Variants in MEST observed in about 807,000 individuals in gnomAD.
MEST encodes the protein mesoderm-specific transcript homolog protein.
In MEST, 18 loss-of-function variants were observed where a neutral mutation model predicts 50.9. The observed-to-expected ratio is 0.35, with a 90% CI of 0.24 to 0.52. The LOEUF is 0.52. Ranked by LOEUF, MEST falls within the 20% of genes least tolerant of loss-of-function variation. The probability of loss-of-function intolerance (pLI) is 0.94; values close to 1 mark genes in which losing one functional copy is unlikely to be tolerated. For synonymous variants in MEST, 130 were observed against 154.1 expected (o/e 0.84, Z 1.16); for missense variants, 282 against 425.3 (o/e 0.66, Z 2.96).
At position 130,497,937 on chromosome 7, in the gene MEST, T is replaced by C; in HGVS notation, c.263T>C (p.Ile88Thr). ...CAAATCATCGTTTCTTTCTTGTAGATTTGGGAAGGTCTGACCTTGAGGTTT... is the reference window on the plus strand; with the variant it reads ...CAAATCATCGTTTCTTTCTTGTAGACTTGGGAAGGTCTGACCTTGAGGTTT... ...FPTSSYDWYKIWEGLTLRFHR... is the reference protein window; with the variant it reads ...FPTSSYDWYKTWEGLTLRFHR... Residue 88 changes from isoleucine to threonine, a missense_variant and splice_region_variant, in exon 4 of 12, where the codon ATT (isoleucine) becomes ACT (threonine). By Grantham distance (89) the Ile-to-Thr change is moderately conservative. Transcript: ENST00000223215. The surrounding 1 kb of genome is among the most constrained non-coding windows in gnomAD (Gnocchi z 4.0). 6.2e-7 allele frequency: 1 copy of C among 1,614,072 alleles called. No individual in the cohort carries two copies.
At chr7:130,498,354 G>C in intron 5 of MEST, 65 bp from the exon 6 acceptor site, 2 of 1,610,424 alleles carry the variant, frequency 1.2e-6, no homozygotes, top group Middle Eastern at 3.3e-4. Context: ...TTTTTCTCTC[G>C]TTTTCAGCGG....
In MEST at chr7:130,492,207, T is replaced by A. The variant is rs544808095; in HGVS notation, c.-107T>A. ...GCGCGGCGCCGCCCTGCGCGGGCTG[T>A]GGGCTGCGGGCTGCGCCCCCGCTGC... On this transcript the variant is annotated 5_prime_UTR_variant, in exon 1 of 12. Coordinates refer to ENST00000223215, the MANE Select transcript of MEST (RefSeq NM_002402.4). The surrounding 1 kb of genome is among the most constrained non-coding windows in gnomAD (Gnocchi z 7.6). 2.9e-4 allele frequency: 289 copies of A among 990,500 alleles called. 3 individuals are homozygous for A. In the South Asian group the frequency reaches 0.012, roughly 41 times the overall value. The allele number at this position is 990,500 out of a possible 1,614,324, so 61.4% of individuals were successfully genotyped here. A position where few individuals can be genotyped will look rare whatever the true frequency, so the allele number is the denominator to read the frequency against.
Position 130,497,238 on chromosome 7 carries a change from A to G in MEST, c.261+3A>G, listed in dbSNP as rs782233412. The G allele has an allele frequency of 6.8e-6, 11 of 1,609,488 alleles. No individual in the cohort carries two copies. The Admixed American group carries it at 8.4e-5, about 12-fold the overall frequency. On this transcript the variant is annotated splice_donor_region_variant and intron_variant, in intron 3 of 11. Coordinates refer to ENST00000223215, the MANE Select transcript of MEST (RefSeq NM_002402.4). This position sits in a 1 kb window ranked among gnomAD's most constrained non-coding sequence, Gnocchi z 4.0. ...CATCCAGCTACGACTGGTACAAGGT[A>G]ATGAAGTCAGACTTCTACGTCCTAC...
In MEST at chr7:130,500,414, G is replaced by T. The variant is rs368809909; in HGVS notation, c.577-48G>T. On this transcript the variant is annotated intron_variant, in intron 7 of 11. Coordinates refer to ENST00000223215, the MANE Select transcript of MEST (RefSeq NM_002402.4). This position sits in a 1 kb window ranked among gnomAD's most constrained non-coding sequence, Gnocchi z 5.0. The stretch of plus-strand genomic sequence containing the variant: ...GTATAAAACCTTTTGCCCCGGTGAG[G>T]ATCTTCCTCTGGGTTCTTGAGCTTT... 119 of 1,543,426 alleles carry T rather than the reference G, an allele frequency of 7.7e-5. No individual in the cohort carries two copies. Among genetic ancestry groups the T allele is most frequent in the Middle Eastern group, 3.5e-4 (2 of 5,770 alleles).
At chr7:130,501,253 T>G (rs540744372) in intron 9 of MEST, among the ~76,000 whole-genome samples, 3 of 152,166 alleles carry the variant, frequency 2.0e-5, no homozygotes, top group Non-Finnish European at 4.4e-5. Context: ...CAAATGAGAA[T>G]GTAGACACTT....
At chr7:130,502,224 CCT>C (rs1554438663) in intron 9 of MEST, among the ~76,000 whole-genome samples, 2 of 151,968 alleles carry the variant, frequency 1.3e-5, no homozygotes, top group African/African-American at 4.8e-5. Context: ...ATAGGGAGAC[CCT>C]GTCTTTTAAA....
rs782769130 is a variant in MEST, at chr7:130,492,519, C to G, written c.26+180C>G. On this transcript the variant is annotated intron_variant, in intron 1 of 11. Coordinates refer to ENST00000223215, the MANE Select transcript of MEST (RefSeq NM_002402.4). The surrounding 1 kb of genome is among the most constrained non-coding windows in gnomAD (Gnocchi z 7.6). ...TTGAGGAGGGGGTGTCACTCCTGCCCGCAATGGAATGTTCAGAACGCGGGA... is the reference window on the plus strand; with the variant it reads ...TTGAGGAGGGGGTGTCACTCCTGCCGGCAATGGAATGTTCAGAACGCGGGA... 8 of 424,856 alleles carry G rather than the reference C, an allele frequency of 1.9e-5. No individual in the cohort carries two copies. The highest frequency in any genetic ancestry group is 2.8e-5 in the Non-Finnish European group (7 of 252,356). The allele number at this position is 424,856 out of a possible 1,614,324, so 26.3% of individuals were successfully genotyped here.
chr7:130,499,999 TG>T (rs1167189399), intron 7 of MEST, 84 bp downstream of exon 7: 1 of 1,101,956 alleles, frequency 9.1e-7, no homozygotes, highest in Admixed American at 2.3e-5. Context: ...CCATAGCTCC[TG>T]TAACTGGCAG....
rs1194077281 is a variant in MEST at position 130,505,489 on chromosome 7, G to A, written c.*433G>A. 1.3e-5 allele frequency: 2 copies of A among 156,430 alleles called. No individual in the cohort carries two copies. The highest frequency in any genetic ancestry group is 1.2e-4 in the Admixed American group (2 of 16,226). 9.7% of individuals were successfully genotyped at this position (156,430 alleles called of 1,614,324 possible). A position where few individuals can be genotyped will look rare whatever the true frequency, so the allele number is the denominator to read the frequency against. On this transcript the variant is annotated 3_prime_UTR_variant, in exon 12 of 12. Coordinates refer to ENST00000223215, the MANE Select transcript of MEST (RefSeq NM_002402.4). ...GAAGGGGGGCTCCTTCCCTCTCCTC[G>A]AATGACGTTATGGGCACATGCCTTT...
chr7:130,495,739 A>G (rs1178570866), intron 2 of MEST: 3 of 406,052 alleles, frequency 7.4e-6, no homozygotes, highest in African/African-American at 4.2e-5. Context: ...ACCTTTTAGT[A>G]TAAGTTTTCT....
intron 6 of MEST, among the ~76,000 whole-genome samples, chr7:130,499,275 A>G (rs996197235): frequency 6.6e-6 from 1 of 152,196 alleles, no homozygotes; most frequent in African/African-American, 2.4e-5. Context: ...TGGGAGAGAA[A>G]TCCGTCTCTC....
rs1039917794 is a variant in MEST, at chr7:130,496,918, C to T, written c.182-238C>T. The T allele has an allele frequency of 6.2e-6, 2 of 323,056 alleles. 1 individual carries two copies. Among genetic ancestry groups the T allele is most frequent in the South Asian group, 1.4e-4 (2 of 13,952 alleles). The allele number at this position is 323,056 out of a possible 1,614,324, so 20.0% of individuals were successfully genotyped here. The stretch of plus-strand genomic sequence containing the variant: ...CACCTAGGTGAAAGTAAACAAGGTG[C>T]CTTCAAGTATTTTCACATAGCATGA... On this transcript the variant is annotated intron_variant, in intron 2 of 11. Coordinates refer to ENST00000223215, the MANE Select transcript of MEST (RefSeq NM_002402.4).
At chr7:130,490,563 A>G (rs1554434882), upstream of MEST, among the ~76,000 whole-genome samples, 1 of 152,152 alleles carries the variant, frequency 6.6e-6, no homozygotes, top group Non-Finnish European at 1.5e-5. Flanking sequence ...CTGGGGCTAC[A>G]AAAGGTGAAT....
Position 130,495,535 on chromosome 7 carries a change from C to A in MEST, c.181+13C>A, listed in dbSNP as rs782247835. The A allele has an allele frequency of 4.3e-6, 7 of 1,612,528 alleles. No homozygotes were observed. Among genetic ancestry groups the A allele is most frequent in the Non-Finnish European group, 5.9e-6 (7 of 1,179,246 alleles). On this transcript the variant is annotated intron_variant, in intron 2 of 11. Coordinates refer to ENST00000223215, the MANE Select transcript of MEST (RefSeq NM_002402.4). ...ATCTTCTACCAAGGTAAGAAGTGGA[C>A]TATTGGAAGTCCTGCGTGTATCGGT...
intron 10 of MEST, among the ~76,000 whole-genome samples, chr7:130,503,001 A>G (rs1292867979): frequency 6.6e-6 from 1 of 152,166 alleles, no homozygotes; most frequent in African/African-American, 2.4e-5. Flanking sequence ...TGACATCTGG[A>G]ACAGTGATGT....
upstream of MEST, chr7:130,488,279 A>G (rs1026124238): frequency 6.6e-6 from 1 of 152,220 alleles, no homozygotes; most frequent in Non-Finnish European, 1.5e-5. Context: ...TGAGCCACCC[A>G]ATCCCTCTAG....
intron 1 of MEST, among the ~76,000 whole-genome samples, chr7:130,493,620 G>T (rs997759867): frequency 1.2e-4 from 18 of 152,080 alleles, no homozygotes; most frequent in African/African-American, 3.9e-4. Flanking sequence ...CGATAGCCTC[G>T]TTTTTTAACC....
upstream of MEST, chr7:130,489,439 T>G (rs1350139426): frequency 1.3e-5 from 2 of 152,218 alleles, no homozygotes; most frequent in Admixed American, 1.3e-4. Flanking sequence ...GTTTTATACC[T>G]TGGGTCAAAT....
At chr7:130,493,597 G>A in intron 1 of MEST, among the ~76,000 whole-genome samples, 1 of 152,208 alleles carries the variant, frequency 6.6e-6, no homozygotes, top group East Asian at 1.9e-4. Context: ...GTCCAGGAGT[G>A]GAGTATGTTG....
Sources: gnomAD v4.1 joint callset for allele counts (sites outside exome capture counted in the v4.1 genomes callset) on GRCh38, gnomAD v4.1.1 for gene constraint, Gnocchi (gnomAD v3.1) non-coding constraint, MANE v1.5 for transcripts, NCBI Gene and HGNC (gene_info 2026-07-23, HGNC 2026-07-21) for gene names.